FERMT2: variants seen among roughly 807,000 people sequenced by gnomAD.
FERMT2 encodes the protein fermitin family homolog 2.
FERMT2 carries 15 observed loss-of-function variants against 82.7 expected under a neutral mutation model. The ratio of observed to expected loss-of-function variants is 0.18; its 90% confidence interval spans 0.12 to 0.28. The LOEUF is 0.28. Among genes scored for constraint, FERMT2 ranks in the 10% least tolerant of loss-of-function variants. The pLI is 1.00. For synonymous variants in FERMT2, 274 were observed against 271.5 expected (o/e 1.01, Z -0.09); for missense variants, 645 against 809.4 (o/e 0.80, Z 2.46).
At chr14:52,945,642 G>GTGTGACT (rs1443882688) in intron 2 of FERMT2, among the ~76,000 whole-genome samples, 1 of 152,010 alleles carries the variant, frequency 6.6e-6, no homozygotes, top group African/African-American at 2.4e-5. Flanking sequence ...CTTGTAGATT[G>GTGTGACT]TGTGACTTGA....
chr14:52,873,511 G>A (rs1015054853), intron 9 of FERMT2, among the ~76,000 whole-genome samples: 7 of 152,184 alleles, frequency 4.6e-5, no homozygotes, highest in African/African-American at 1.2e-4. Context: ...GGTCAAGGGG[G>A]AAGGAGAAAG....
chr14:52,902,158 C>T (rs760256701), intron 3 of FERMT2, among the ~76,000 whole-genome samples: 2 of 151,968 alleles, frequency 1.3e-5, no homozygotes, highest in Admixed American at 6.6e-5. Context: ...TTTGGGAGGC[C>T]GAGGTGGGTG....
At chr14:52,906,127 A>C (rs1887998581) in intron 3 of FERMT2, among the ~76,000 whole-genome samples, 2 of 152,186 alleles carry the variant, frequency 1.3e-5, no homozygotes, top group Admixed American at 6.6e-5. Flanking sequence ...CTGGTCTTGC[A>C]GAGTTGAGAG....
At chr14:52,943,226 C>G (rs1428341317) in intron 2 of FERMT2, among the ~76,000 whole-genome samples, 2 of 151,766 alleles carry the variant, frequency 1.3e-5, no homozygotes, top group African/African-American at 4.9e-5. Flanking sequence ...AAAAAAATCA[C>G]TCTGAAGTGA....
At chr14:52,936,034 G>A (rs1889822282) in intron 2 of FERMT2, among the ~76,000 whole-genome samples, 1 of 152,150 alleles carries the variant, frequency 6.6e-6, no homozygotes, top group African/African-American at 2.4e-5. Flanking sequence ...CTGGCTTATT[G>A]CTAATTTGGT....
In FERMT2 at chr14:52,919,216, G is replaced by A. The variant is rs762923506; in HGVS notation, c.298C>T (p.Arg100Cys). ...TACTTCATGTTGGGAAGCTGCAGGC[G>A]GAGCAGTTTGTGCTGAGGGGTGAAC... ...LQFTPQHKLL[R>C]LQLPNMKYVK... is the part of the protein sequence containing the mutation. Residue 100 changes from arginine (R) to cysteine (C), a missense_variant, in exon 3 of 15, where the codon CGC (arginine) becomes TGC (cysteine). Arg to Cys is a radical substitution (Grantham distance 180). Coordinates refer to ENST00000341590, the MANE Select transcript of FERMT2 (RefSeq NM_006832.3). The A allele has an allele frequency of 1.7e-5, 27 of 1,614,064 alleles. No individual in the cohort carries two copies. The East Asian group carries it at 2.7e-4, about 16-fold the overall frequency.
At chr14:52,945,717 C>G (rs1890318721) in intron 2 of FERMT2, among the ~76,000 whole-genome samples, 2 of 152,152 alleles carry the variant, frequency 1.3e-5, no homozygotes, top group Admixed American at 1.3e-4. Context: ...TAGAGATCAC[C>G]TATTTTTTCC....
At chr14:52,859,323 T>C (rs1173186684) in intron 14 of FERMT2, 9 of 362,400 alleles carry the variant, frequency 2.5e-5, no homozygotes, top group Non-Finnish European at 4.5e-5. Flanking sequence ...TCAGAGTAGA[T>C]CGGCTTTATC....
At chr14:52,947,803 C>T (rs1384707100) in intron 2 of FERMT2, among the ~76,000 whole-genome samples, 2 of 152,196 alleles carry the variant, frequency 1.3e-5, no homozygotes, top group African/African-American at 4.8e-5. Context: ...GAAGAAGCCT[C>T]TTCCTAGAAA....
At chr14:52,917,885 C>T (rs374559043) in intron 3 of FERMT2, among the ~76,000 whole-genome samples, 7 of 152,316 alleles carry the variant, frequency 4.6e-5, no homozygotes, top group African/African-American at 1.4e-4. Flanking sequence ...AGTCTCAGCA[C>T]CTCCATACTG....
chr14:52,947,877 A>G (rs1890435358), intron 2 of FERMT2, among the ~76,000 whole-genome samples: 1 of 152,234 alleles, frequency 6.6e-6, no homozygotes, highest in Admixed American at 6.5e-5. Flanking sequence ...CCTGAGATCT[A>G]TCGACTTCAG....
chr14:52,926,004 TA>T (rs1404035428), intron 2 of FERMT2, among the ~76,000 whole-genome samples: 2 of 152,164 alleles, frequency 1.3e-5, no homozygotes, highest in Non-Finnish European at 2.9e-5. Flanking sequence ...AGCTTGTCTC[TA>T]AAGTGGCAAG....
chr14:52,931,682 G>C (rs533975408), intron 2 of FERMT2, among the ~76,000 whole-genome samples: 2 of 152,298 alleles, frequency 1.3e-5, no homozygotes, highest in South Asian at 4.1e-4. Context: ...TTTGTTTACT[G>C]AACATTTAGT....
At chr14:52,908,026 C>T (rs1007275507) in intron 3 of FERMT2, among the ~76,000 whole-genome samples, 13 of 152,120 alleles carry the variant, frequency 8.5e-5, no homozygotes, top group Non-Finnish European at 1.6e-4. Context: ...AATTTAAAGA[C>T]GGACAGGCGA....
At chr14:52,937,865 C>T (rs189723541) in intron 2 of FERMT2, among the ~76,000 whole-genome samples, 1 of 152,294 alleles carries the variant, frequency 6.6e-6, no homozygotes, top group Admixed American at 6.5e-5. Context: ...ACTGCCCAAA[C>T]TCATTAAGGA....
chr14:52,867,355 T>A (rs1885348919), intron 10 of FERMT2, among the ~76,000 whole-genome samples: 1 of 152,356 alleles, frequency 6.6e-6, no homozygotes, highest in South Asian at 2.1e-4. Context: ...CTAGATACTA[T>A]GTTGGCCTAA....
At chr14:52,950,734 A>AG in intron 1 of FERMT2, 157 bp from the exon 2 acceptor site, 1 of 656,678 alleles carries the variant, frequency 1.5e-6, no homozygotes, top group Admixed American at 2.9e-5. Flanking sequence ...GGGCTGCGGG[A>AG]GGACCCTACG....
chr14:52,861,002 T>C (rs1279947481), intron 12 of FERMT2: 6 of 1,517,178 alleles, frequency 4.0e-6, no homozygotes, highest in African/African-American at 1.4e-5. Context: ...GTGGTAAATA[T>C]GGAGAACTTA....
At chr14:52,913,433 G>C (rs909725123) in intron 3 of FERMT2, among the ~76,000 whole-genome samples, 1 of 152,110 alleles carries the variant, frequency 6.6e-6, no homozygotes, top group Non-Finnish European at 1.5e-5. Context: ...CTAGAATGAG[G>C]TATTTGTTAT....
Sources: allele counts gnomAD v4.1 joint callset (sites outside exome capture counted in the v4.1 genomes callset), GRCh38; gene constraint gnomAD v4.1.1; transcripts MANE v1.5; gene names NCBI Gene and HGNC (gene_info 2026-07-23, HGNC 2026-07-21).